TNPO3: variants seen among roughly 807,000 people sequenced by gnomAD.
The protein encoded by TNPO3 is transportin 3.
In TNPO3, 65 loss-of-function variants were observed where a neutral mutation model predicts 122.8. That is an observed-to-expected ratio of 0.53 (90% CI 0.43 to 0.65). The LOEUF is 0.65. Ranked by LOEUF, TNPO3 falls within the 30% of genes least tolerant of loss-of-function variation. TNPO3 has a pLI of 0.00. For synonymous variants in TNPO3, 372 were observed against 411.2 expected, an observed-to-expected ratio of 0.90 and a Z score of 1.15; for missense variants, 850 against 1,136.7, an observed-to-expected ratio of 0.75 and a Z score of 3.63.
intron 14 of TNPO3, among the ~76,000 whole-genome samples, 179 bp from the exon 15 acceptor site, chr7:128,980,210 T>G (rs1057435528): frequency 1.3e-5 from 2 of 152,254 alleles, no homozygotes. Flanking sequence ...TATCATTTTT[T>G]GGCCACCTTT....
rs193214041 is a variant in TNPO3 at position 128,980,073 on chromosome 7, T to C, written c.1860-42A>G. 2.8e-3 allele frequency: 4,333 copies of C among 1,563,354 alleles called. 11 individuals are homozygous for C. Among genetic ancestry groups the C allele is most frequent in the Non-Finnish European group, 3.7e-3 (4,220 of 1,133,834 alleles). On this transcript the variant is annotated intron_variant, in intron 14 of 22. Coordinates refer to ENST00000265388, the MANE Select transcript of TNPO3 (RefSeq NM_012470.4). ...GCCCAAAATAGTGAACAAAGACCAATTTCACTGAGGACCCAGAGCCCTGAT... is the reference window on the plus strand; with the variant it reads ...GCCCAAAATAGTGAACAAAGACCAACTTCACTGAGGACCCAGAGCCCTGAT...
At chr7:129,040,558 C>T (rs1807255025) in intron 1 of TNPO3, among the ~76,000 whole-genome samples, 1 of 152,108 alleles carries the variant, frequency 6.6e-6, no homozygotes, top group African/African-American at 2.4e-5. Context: ...AATTGAGTTA[C>T]ACACTTAAGA....
At chr7:129,036,764 A>G (rs1471024614) in intron 1 of TNPO3, among the ~76,000 whole-genome samples, 5 of 152,296 alleles carry the variant, frequency 3.3e-5, no homozygotes, top group Non-Finnish European at 1.5e-5. Context: ...ACAAAACTGG[A>G]GAATTTCCAT....
At position 129,053,942 on chromosome 7, in the gene TNPO3, C is replaced by A. The variant is rs6980198; in HGVS notation, c.120+709G>T. The stretch of plus-strand genomic sequence containing the variant: ...AATTAAATATCTCACCGGATGCACA[C>A]ACAGTTTTATATGGAATAATCAAAG... On this transcript the variant is annotated intron_variant, in intron 1 of 22. Transcript: ENST00000265388. Among the ~76,000 whole-genome samples, 316 of 152,298 alleles carry A rather than the reference C, an allele frequency of 2.1e-3. 3 individuals are homozygous for A. The highest frequency in any genetic ancestry group is 7.1e-3 in the African/African-American group (294 of 41,548).
intron 13 of TNPO3, 82 bp from the exon 14 acceptor site, chr7:128,982,406 T>C (rs760703174): frequency 8.2e-7 from 1 of 1,226,700 alleles, no homozygotes. Context: ...TCAACCTTTG[T>C]CTCAATCTCT....
intron 1 of TNPO3, among the ~76,000 whole-genome samples, chr7:129,047,565 AAAT>A (rs1808200326): frequency 6.6e-6 from 1 of 152,224 alleles, no homozygotes; most frequent in Non-Finnish European, 1.5e-5. Flanking sequence ...TGTTTTATAC[AAAT>A]ATTAGAGAAA....
chr7:129,002,352 C>T (rs1802029523), intron 5 of TNPO3, among the ~76,000 whole-genome samples: 1 of 152,140 alleles, frequency 6.6e-6, no homozygotes, highest in African/African-American at 2.4e-5. Flanking sequence ...ATCTAAAGAA[C>T]AACTGATGCA....
chr7:128,992,896 T>C (rs1241928268), intron 9 of TNPO3, among the ~76,000 whole-genome samples: 1 of 152,056 alleles, frequency 6.6e-6, no homozygotes, highest in Non-Finnish European at 1.5e-5. Flanking sequence ...AGTCAAAGGA[T>C]TGAGAAGATC....
rs1243334890 is a variant in TNPO3 at position 129,017,015 on chromosome 7, G to C, written c.363C>G (p.Ser121=). 2 of 1,612,992 alleles carry C rather than the reference G, an allele frequency of 1.2e-6. No individual in the cohort carries two copies. The highest frequency in any genetic ancestry group is 1.7e-6 in the Non-Finnish European group (2 of 1,179,940). Residue 121 remains serine, a synonymous_variant, in exon 3 of 23, where the codon TCC becomes TCG. Coordinates refer to ENST00000265388, the MANE Select transcript of TNPO3 (RefSeq NM_012470.4). The part of the protein sequence containing the change: ...AIADLALQMP[S]WKGCVQTLVE... ...CCAGTGTTTGCACACATCCCTTCCA[G>C]GAAGGCATCTGTAGGGCAAGATCTG...
In TNPO3 at chr7:129,049,993, G is replaced by A. The variant is rs137936557; in HGVS notation, c.120+4658C>T. On this transcript the variant is annotated intron_variant, in intron 1 of 22. Transcript: ENST00000265388. ...AATTTCAGCTACTCAGGAGACTGAG[G>A]AGAGAGGATTGCCTGAGACCAAGAG... Among the ~76,000 whole-genome samples, 579 of 152,304 alleles carry A rather than the reference G, an allele frequency of 3.8e-3. 5 individuals are homozygous for A. Among genetic ancestry groups the A allele is most frequent in the African/African-American group, 0.013 (541 of 41,580 alleles).
At chr7:129,023,532 C>T (rs906534487) in intron 1 of TNPO3, among the ~76,000 whole-genome samples, 2 of 152,040 alleles carry the variant, frequency 1.3e-5, no homozygotes, top group Non-Finnish European at 2.9e-5. Context: ...ACAAGATGGG[C>T]CCATGATACA....
In TNPO3 at chr7:129,054,714, G is replaced by A. The variant is rs775983634; in HGVS notation, c.57C>T (p.Tyr19=). 5 of 1,614,090 alleles carry A rather than the reference G, an allele frequency of 3.1e-6. No individual in the cohort carries two copies. The East Asian group carries it at 1.1e-4, about 36-fold the overall frequency. The change falls in exon 1 of 23, where the codon TAC becomes TAT. Residue 19 remains tyrosine, a synonymous_variant. Coordinates refer to ENST00000265388, the MANE Select transcript of TNPO3 (RefSeq NM_012470.4). The stretch of plus-strand genomic sequence containing the variant: ...CCTTTCCGCTGGGATCTGGGTCGTG[G>A]TAAAGCGCCTGCACTGCCTGGTACA... ...QLVYQAVQAL[Y]HDPDPSGKER... is the part of the protein sequence containing the mutation.
intron 6 of TNPO3, 126 bp from the exon 7 acceptor site, chr7:129,000,693 T>C (rs1276594155): frequency 4.2e-6 from 4 of 950,562 alleles, no homozygotes; most frequent in South Asian, 3.5e-5. Context: ...TTATTTACTA[T>C]GCTGTATCAC....
intron 7 of TNPO3, among the ~76,000 whole-genome samples, chr7:128,998,988 C>T (rs1030384295): frequency 1.3e-4 from 19 of 151,760 alleles, no homozygotes; most frequent in Admixed American, 1.1e-3. Context: ...TGAGTAGCTG[C>T]GATTACAGGT....
intron 21 of TNPO3, among the ~76,000 whole-genome samples, chr7:128,958,444 G>A (rs1208578576): frequency 6.6e-6 from 1 of 152,074 alleles, no homozygotes; most frequent in Non-Finnish European, 1.5e-5. Context: ...CGCCCAGCCA[G>A]GAAGCAATTC....
At chr7:129,035,386 T>G (rs1303094514) in intron 1 of TNPO3, among the ~76,000 whole-genome samples, 1 of 152,202 alleles carries the variant, frequency 6.6e-6, no homozygotes, top group African/African-American at 2.4e-5. Flanking sequence ...GAGGATCACT[T>G]GAAGCTAGGA....
At chr7:129,042,804 A>G (rs887375503) in intron 1 of TNPO3, among the ~76,000 whole-genome samples, 8 of 152,004 alleles carry the variant, frequency 5.3e-5, no homozygotes, top group Non-Finnish European at 7.4e-5. Flanking sequence ...ACAGAAACCA[A>G]GATGAAATCA....
chr7:128,978,594 T>C (rs947098089), intron 16 of TNPO3, among the ~76,000 whole-genome samples: 11 of 152,222 alleles, frequency 7.2e-5, no homozygotes, highest in Non-Finnish European at 1.3e-4. Context: ...AGTGTTTTTT[T>C]AGTTTGTTAA....
intron 8 of TNPO3, among the ~76,000 whole-genome samples, chr7:128,996,046 C>T (rs1801281828): frequency 6.6e-6 from 1 of 152,122 alleles, no homozygotes; most frequent in South Asian, 2.1e-4. Context: ...GTTTGAAAAC[C>T]ACCAGACTAA....
Sources: allele counts gnomAD v4.1 joint callset (sites outside exome capture counted in the v4.1 genomes callset), GRCh38; gene constraint gnomAD v4.1.1; transcripts MANE v1.5; gene names NCBI Gene and HGNC (gene_info 2026-07-23, HGNC 2026-07-21).